The following TUSC3 variants were observed in gnomAD, a reference collection of about 807,000 sequenced individuals.
TUSC3 encodes the protein tumor suppressor candidate 3, also known as dolichyl-diphosphooligosaccharide--protein glycosyltransferase subunit TUSC3.
TUSC3 carries 45 observed loss-of-function variants against 44.8 expected under a neutral mutation model. The ratio of observed to expected loss-of-function variants is 1.00; its 90% CI spans 0.79 to 1.29. TUSC3 has a LOEUF of 1.29. TUSC3 is among the 50% of genes most tolerant of loss of function. The pLI, the probability that TUSC3 is intolerant of heterozygous loss-of-function variation, is 0.00. For synonymous variants in TUSC3, 212 were observed against 152.9 expected (o/e 1.39, Z -2.85); for missense variants, 519 against 437.9 (o/e 1.19, Z -1.65).
At chr8:15,630,922 C>A (rs562520336) in intron 2 of TUSC3, among the ~76,000 whole-genome samples, 84 of 152,150 alleles carry the variant, frequency 5.5e-4, no homozygotes, top group Non-Finnish European at 1.0e-3. Flanking sequence ...ATAAGGTAAA[C>A]TTGGGTCCCT....
rs1399973901 is a variant in TUSC3, at chr8:15,765,137, TCAC to T, written c.*982_*984del. The T allele has an allele frequency of 6.6e-6, 1 of 152,066 alleles. No homozygotes were observed. The highest frequency in any genetic ancestry group is 2.4e-5 in the African/African-American group (1 of 41,454). The allele number at this position is 152,066 out of a possible 1,614,324, so 9.4% of individuals were successfully genotyped here. ...TCCTGTTTTAGTTTATAAAGCACTTTCACATACATTATGGTATTTCTTCCTCAC... is the reference window on the plus strand; with the variant it reads ...TCCTGTTTTAGTTTATAAAGCACTTTATACATTATGGTATTTCTTCCTCAC... On this transcript the variant is annotated 3_prime_UTR_variant, in exon 11 of 11. Transcript: ENST00000503731.
intron 6 of TUSC3, among the ~76,000 whole-genome samples, chr8:15,729,295 T>C (rs551938581): frequency 1.3e-5 from 2 of 152,308 alleles, no homozygotes; most frequent in African/African-American, 4.8e-5. Context: ...TCCTCTGTTT[T>C]GGTAAGTTGT....
intron 2 of TUSC3, among the ~76,000 whole-genome samples, chr8:15,513,614 ATGG>A (rs1389915693): frequency 6.6e-6 from 1 of 152,174 alleles, no homozygotes; most frequent in East Asian, 1.9e-4. Context: ...GGTAGATTTA[ATGG>A]TGGTCAAGTG....
intron 2 of TUSC3, among the ~76,000 whole-genome samples, chr8:15,512,328 C>G (rs4425753): frequency 0.14 from 20,658 of 152,142 alleles, 1,501 homozygotes; most frequent in East Asian, 0.19. Flanking sequence ...AGAAGAAAAA[C>G]TGACCTCCCC....
chr8:15,648,662 C>T (rs1414112136), intron 2 of TUSC3, among the ~76,000 whole-genome samples: 1 of 128,822 alleles, frequency 7.8e-6, no homozygotes, highest in African/African-American at 2.9e-5. Flanking sequence ...GGAGGCGGAG[C>T]TTGCAGTGAG....
intron 6 of TUSC3, among the ~76,000 whole-genome samples, chr8:15,690,019 G>C (rs546977663): frequency 6.6e-6 from 1 of 151,918 alleles, no homozygotes; most frequent in East Asian, 1.9e-4. Flanking sequence ...ATTTTTTGGG[G>C]TGTATACACA....
At chr8:15,478,797 A>G (rs909098203) in intron 1 of TUSC3, among the ~76,000 whole-genome samples, 2 of 152,162 alleles carry the variant, frequency 1.3e-5, no homozygotes, top group East Asian at 1.9e-4. Context: ...GTATATACCT[A>G]GTAATGGGAT....
chr8:15,669,358 G>A (rs916495157), intron 5 of TUSC3, among the ~76,000 whole-genome samples: 4 of 151,632 alleles, frequency 2.6e-5, no homozygotes, highest in Non-Finnish European at 4.4e-5. Flanking sequence ...AAACTTTTCT[G>A]TGAATAAAAA....
At chr8:15,767,262 C>G (rs527495468), downstream of TUSC3, among the ~76,000 whole-genome samples, 18 of 152,142 alleles carry the variant, frequency 1.2e-4, no homozygotes, top group African/African-American at 4.1e-4. Context: ...AAGGGTCCAA[C>G]TACTATACAA....
At chr8:15,661,299 A>G (rs896570229) in intron 4 of TUSC3, among the ~76,000 whole-genome samples, 6 of 152,074 alleles carry the variant, frequency 3.9e-5, no homozygotes, top group African/African-American at 1.4e-4. Context: ...GATTTGGTCT[A>G]GAGTTAGATA....
At chr8:15,453,751 C>A (rs1343113683) in intron 1 of TUSC3, among the ~76,000 whole-genome samples, 1 of 152,118 alleles carries the variant, frequency 6.6e-6, no homozygotes, top group Non-Finnish European at 1.5e-5. Context: ...TCAGACAGAG[C>A]AGGGCGGGAG....
At chr8:15,483,481 C>A (rs1423949885) in exon 2 of TUSC3, 1 of 157,466 alleles carries the variant, frequency 6.4e-6, no homozygotes, top group Admixed American at 6.4e-5. Flanking sequence ...GCTGGGATTA[C>A]AGGTATGCAC....
In TUSC3 at chr8:15,433,377, A is replaced by C. The variant is rs187717056; in HGVS notation, n.91+16072A>C. Among the ~76,000 whole-genome samples the C allele has an allele frequency of 2.6e-3, 391 of 152,310 alleles. 2 individuals carry two copies. The highest frequency in any genetic ancestry group is 9.1e-3 in the African/African-American group (379 of 41,558). ...TTTAAAAATTTTTCTTCTTAAAATA[A>C]TGTTTCAGATATAACTTACATAAAA... On this transcript the variant is annotated intron_variant and non_coding_transcript_variant, in intron 1 of 5. Transcript: ENST00000503191.
At chr8:15,698,443 A>G (rs1809259144) in intron 6 of TUSC3, among the ~76,000 whole-genome samples, 1 of 152,200 alleles carries the variant, frequency 6.6e-6, no homozygotes, top group South Asian at 2.1e-4. Context: ...TATACTTACT[A>G]AATCCTTAAG....
the TUSC3 span, among the ~76,000 whole-genome samples, chr8:15,830,797 T>G: frequency 6.6e-6 from 1 of 152,122 alleles, no homozygotes; most frequent in Non-Finnish European, 1.5e-5. Context: ...GAAAAATTAT[T>G]GAGTATGATA....
chr8:15,824,597 G>A, the TUSC3 span, among the ~76,000 whole-genome samples: 1 of 151,828 alleles, frequency 6.6e-6, no homozygotes, highest in Non-Finnish European at 1.5e-5. Context: ...ATCACACACT[G>A]GGGCCTGTTG....
At chr8:15,487,008 G>A (rs1465119885) in intron 2 of TUSC3, among the ~76,000 whole-genome samples, 1 of 152,158 alleles carries the variant, frequency 6.6e-6, no homozygotes, top group African/African-American at 2.4e-5. Flanking sequence ...AAGCAGAAAT[G>A]TGTGCACTGA....
At chr8:15,534,660 A>C (rs1801497465) in intron 2 of TUSC3, among the ~76,000 whole-genome samples, 1 of 151,732 alleles carries the variant, frequency 6.6e-6, no homozygotes, top group Non-Finnish European at 1.5e-5. Flanking sequence ...AAAAAAAAAA[A>C]AACTTCAGCC....
intron 2 of TUSC3, among the ~76,000 whole-genome samples, chr8:15,625,228 G>A (rs1805445668): frequency 6.6e-6 from 1 of 151,964 alleles, no homozygotes. Flanking sequence ...ATTATGTGTT[G>A]CTGGATTCAG....
Sources: allele counts gnomAD v4.1 joint callset (sites outside exome capture counted in the v4.1 genomes callset), GRCh38; gene constraint gnomAD v4.1.1; transcripts MANE v1.5; gene names NCBI Gene and HGNC (gene_info 2026-07-23, HGNC 2026-07-21).